The following CMTR1 variants were observed in gnomAD, a reference collection of about 807,000 sequenced individuals.
CMTR1 encodes the protein cap-specific mRNA (nucleoside-2'-O-)-methyltransferase 1.
Under a neutral mutation model 107.0 loss-of-function variants are expected in CMTR1, and 39 were observed. That is an observed-to-expected ratio of 0.36 (90% CI 0.28 to 0.48). The LOEUF is 0.48. CMTR1 is among the 20% of genes least tolerant of loss of function. CMTR1 has a pLI of 0.99. For missense variants in CMTR1, 672 were observed against 1,064.9 expected (o/e 0.63, Z 5.14); for synonymous variants, 366 against 379.5 (o/e 0.96, Z 0.41).
chr6:37,439,349 C>G (rs767216410), intron 2 of CMTR1, among the ~76,000 whole-genome samples: 1 of 152,184 alleles, frequency 6.6e-6, no homozygotes, highest in Non-Finnish European at 1.5e-5. Flanking sequence ...CACGGGAAAA[C>G]TATGGTCTAG....
chr6:37,428,008 C>CAGAGAGAGAGAGAGAG, the CMTR1 span, among the ~76,000 whole-genome samples: 400 of 114,830 alleles, frequency 3.5e-3, 20 homozygotes, highest in Non-Finnish European at 5.4e-3. Flanking sequence ...GCAACAGAGA[C>CAGAGAGAGAGAGAGAG]AGAGAGAGAG....
intron 13 of CMTR1, among the ~76,000 whole-genome samples, chr6:37,469,521 CTTTTTT>C (rs763917812): frequency 1.1e-4 from 7 of 61,594 alleles, no homozygotes; most frequent in Non-Finnish European, 2.0e-4. Flanking sequence ...TTGTTTTATC[CTTTTTT>C]TTTTTTTTTT....
At chr6:37,426,377 T>C in the CMTR1 span, among the ~76,000 whole-genome samples, 2 of 152,212 alleles carry the variant, frequency 1.3e-5, no homozygotes, top group East Asian at 3.8e-4. Flanking sequence ...ATTGGACATA[T>C]GCATCTAAGA....
rs535142576 is a variant in CMTR1 at position 37,480,876 on chromosome 6, A to G, written c.*731A>G. 5.0e-6 allele frequency: 6 copies of G among 1,195,156 alleles called. No homozygotes were observed. The highest frequency in any genetic ancestry group is 1.6e-5 in the South Asian group (1 of 64,418). 74.0% of individuals were successfully genotyped at this position (1,195,156 alleles called of 1,614,324 possible). A position where few individuals can be genotyped will look rare whatever the true frequency, so the allele number is the denominator to read the frequency against. On this transcript the variant is annotated 3_prime_UTR_variant, in exon 24 of 24. Transcript: ENST00000373451. ...GAGTTGTAGAGCCATCCTAGGTGCC[A>G]TCCCCTTTTGGTCCAAACATTGGGC...
chr6:37,435,757 C>T lies in CMTR1; in HGVS notation c.128C>T (p.Ala43Val), dbSNP rs1445209002. ...DEPPSSVSHG[A>V]KASTTSLSGS... ...CCTCCCTCCTCTGTCAGTCATGGAGCAAAAGGTACGTGTGCTTGTGTGGTC... is the reference window on the plus strand; with the variant it reads ...CCTCCCTCCTCTGTCAGTCATGGAGTAAAAGGTACGTGTGCTTGTGTGGTC... Residue 43 changes from alanine (A) to valine (V), a missense_variant, in exon 2 of 24, where the codon GCA becomes GTA. Around this residue, in one of 2 missense-constraint regions of CMTR1, gnomAD observed 89 missense variants for 96.6 expected, o/e 0.92. Coordinates refer to ENST00000373451, the MANE Select transcript of CMTR1 (RefSeq NM_015050.3). The T allele has an allele frequency of 6.3e-7, 1 of 1,593,418 alleles. No homozygotes were observed. Among genetic ancestry groups the T allele is most frequent in the Non-Finnish European group, 8.5e-7 (1 of 1,172,984 alleles).
chr6:37,481,156 C>T lies in CMTR1; in HGVS notation c.*1011C>T, dbSNP rs1761847444. On this transcript the variant is annotated 3_prime_UTR_variant, in exon 24 of 24. Transcript: ENST00000373451. ...CTGCTTTTGTTTGTCGTTAAGTGGT[C>T]ACTCCCATTTCCTTTATCTTGGCCG... The T allele has an allele frequency of 7.7e-7, 1 of 1,303,844 alleles. No individual in the cohort carries two copies. Among genetic ancestry groups the T allele is most frequent in the African/African-American group, 1.5e-5 (1 of 65,728 alleles). The allele number at this position is 1,303,844 out of a possible 1,614,324, so 80.8% of individuals were successfully genotyped here. A position where few individuals can be genotyped will look rare whatever the true frequency, so the allele number is the denominator to read the frequency against.
intron 1 of CMTR1, 31 bp from the exon 2 acceptor site, chr6:37,435,593 G>C: frequency 5.0e-6 from 8 of 1,586,840 alleles, no homozygotes; most frequent in Non-Finnish European, 6.8e-6. Context: ...GTGACCCAAG[G>C]GCAGCTGACT....
In CMTR1 at chr6:37,461,579, CAGG is replaced by C. The variant is rs1201222934; in HGVS notation, c.1129_1131del (p.Glu377del). The C allele has an allele frequency of 6.2e-7, 1 of 1,609,588 alleles. No homozygotes were observed. Among genetic ancestry groups the C allele is most frequent in the Non-Finnish European group, 8.5e-7 (1 of 1,177,568 alleles). ...CTCGGTGGAGGGGCAGGAGAACCTG[CAGG>C]AGATCCTCAGCAAGCAGCTGCTTCT... is the stretch of plus-strand genomic sequence containing the variant. On this transcript the variant is annotated inframe_deletion, in exon 11 of 24. Transcript: ENST00000373451.
chr6:37,459,168 C>A (rs910037842), intron 9 of CMTR1, among the ~76,000 whole-genome samples: 3 of 152,254 alleles, frequency 2.0e-5, no homozygotes, highest in African/African-American at 7.2e-5. Context: ...GCCCTCTGTG[C>A]CAGGTGCAGA....
chr6:37,458,778 C>G lies in CMTR1; in HGVS notation c.944C>G (p.Ser315Cys). Reference protein sequence around the residue: ...PNDFKLEDFYSASSELFEPYY... With the variant: ...PNDFKLEDFYCASSELFEPYY... ...GACTTCAAGCTGGAGGACTTCTACT[C>G]TGCTTCCAGTGAACTCTTCGAACCC... Residue 315 changes from serine to cysteine, a missense_variant, in exon 9 of 24, where the codon TCT becomes TGT. This residue lies in a region of CMTR1 where 583 missense variants were observed against 968.4 expected (regional missense o/e 0.60). Transcript: ENST00000373451. This position sits in a 1 kb window ranked among gnomAD's most constrained non-coding sequence, Gnocchi z 4.7. 1 of 1,614,172 alleles carries G rather than the reference C, an allele frequency of 6.2e-7. No homozygotes were observed. Among genetic ancestry groups the G allele is most frequent in the Middle Eastern group, 1.7e-4 (1 of 6,024 alleles).
intron 2 of CMTR1, among the ~76,000 whole-genome samples, chr6:37,440,047 T>C (rs919485638): frequency 6.6e-6 from 1 of 152,370 alleles, no homozygotes; most frequent in South Asian, 2.1e-4. Flanking sequence ...CTCTGTAAAG[T>C]TGAATCTTTC....
chr6:37,433,149 C>A (rs1277378550), upstream of CMTR1: 1 of 152,576 alleles, frequency 6.6e-6, no homozygotes, highest in African/African-American at 2.4e-5. Context: ...GCTGCCTTTC[C>A]CGGGGCCGGG....
intron 8 of CMTR1, among the ~76,000 whole-genome samples, chr6:37,453,600 T>G (rs191064405): frequency 1.3e-5 from 2 of 150,798 alleles, no homozygotes; most frequent in East Asian, 3.9e-4. Context: ...AATTGAAACT[T>G]GGTGACATCA....
chr6:37,472,446 T>C lies in CMTR1; in HGVS notation c.1648T>C (p.Ser550Pro). 2 of 1,614,208 alleles carry C rather than the reference T, an allele frequency of 1.2e-6. No homozygotes were observed. Among genetic ancestry groups the C allele is most frequent in the South Asian group, 1.1e-5 (1 of 91,086 alleles). Residue 550 changes from serine to proline, a missense_variant, in exon 16 of 24, where the codon TCT (serine) becomes CCT (proline). By Grantham distance (74) the Ser-to-Pro change is moderately conservative. Transcript: ENST00000373451. This position sits in a 1 kb window ranked among gnomAD's most constrained non-coding sequence, Gnocchi z 4.1. ...GIPDQARVAP[S>P]SSDPKSKFFE... ...CCCAGACCAGGCTCGTGTGGCTCCT[T>C]CTTCCTCCGACCCTAAATCGAAGTT...
chr6:37,465,263 C>G (rs374188093), intron 13 of CMTR1, among the ~76,000 whole-genome samples: 1 of 148,210 alleles, frequency 6.7e-6, no homozygotes, highest in South Asian at 2.1e-4. Context: ...GAGACTCTGT[C>G]TCAAAAAAAA....
At chr6:37,476,038 C>T in intron 19 of CMTR1, 88 bp from the exon 20 acceptor site, 2 of 1,271,430 alleles carry the variant, frequency 1.6e-6, no homozygotes, top group African/African-American at 1.5e-5. Flanking sequence ...GAAGGTTCTC[C>T]TACTGGAGCT....
At chr6:37,436,253 G>T (rs150531727) in intron 2 of CMTR1, 1 of 152,532 alleles carries the variant, frequency 6.6e-6, no homozygotes, top group Non-Finnish European at 1.5e-5. Flanking sequence ...TGCATTAAGC[G>T]TCGAAGATTT....
At chr6:37,475,755 C>T in intron 19 of CMTR1, 1 of 480,146 alleles carries the variant, frequency 2.1e-6, no homozygotes, top group Non-Finnish European at 3.8e-6. Context: ...TTGAGTGGTC[C>T]CATTTAAGTT....
rs573093736 is a variant in CMTR1, at chr6:37,443,226, C to T, written c.134-773C>T. Among the ~76,000 whole-genome samples the T allele has an allele frequency of 2.6e-4, 39 of 152,212 alleles. 1 individual carries two copies. The highest frequency in any genetic ancestry group is 2.6e-3 in the Admixed American group (39 of 15,288). ...CAATTATAAGAAATAAAAATGTTAG[C>T]CTTATAATGGAATCGTTGAAAATGG... On this transcript the variant is annotated intron_variant, in intron 2 of 23. Transcript: ENST00000373451.
Sources: allele counts gnomAD v4.1 joint callset (sites outside exome capture counted in the v4.1 genomes callset), GRCh38; gene constraint gnomAD v4.1.1; regional missense constraint gnomAD v4.1.1; non-coding constraint Gnocchi (gnomAD v3.1); transcripts MANE v1.5; gene names NCBI Gene and HGNC (gene_info 2026-07-23, HGNC 2026-07-21).